Variants in BRWD3 observed in about 807,000 individuals in gnomAD.
BRWD3 encodes the protein bromodomain and WD repeat-containing protein 3.
Under a neutral mutation model 149.7 loss-of-function variants are expected in BRWD3, and 10 were observed. The observed-to-expected ratio is 0.07, with a 90% confidence interval of 0.04 to 0.11. The LOEUF (loss-of-function observed/expected upper bound fraction) is 0.11. BRWD3 is among the 10% of genes least tolerant of loss of function. The pLI is 1.00. For synonymous variants in BRWD3, 504 were observed against 456.7 expected (o/e 1.10, Z -1.32); for missense variants, 940 against 1,373.2 (o/e 0.68, Z 4.99).
chrX:80,759,759 A>G (rs2073783207), intron 6 of BRWD3, among the ~76,000 whole-genome samples: 1 of 111,724 alleles, frequency 9.0e-6, no homozygotes, highest in African/African-American at 3.3e-5. Context: ...GCTCAACATG[A>G]TAGCTATAAT....
At chrX:80,772,387 A>T (rs2073954390) in intron 6 of BRWD3, among the ~76,000 whole-genome samples, 1 of 111,381 alleles carries the variant, frequency 9.0e-6, no homozygotes, top group Non-Finnish European at 1.9e-5. Flanking sequence ...CGAACACCGC[A>T]TGTTCTCACT....
In BRWD3 at chrX:80,673,632, C is replaced by T. The variant is rs2072340441; in HGVS notation, c.*2977G>A. 9.0e-6 allele frequency: 1 copy of T among 111,300 alleles called. No individual in the cohort carries two copies. The highest frequency in any genetic ancestry group is 1.9e-5 in the Non-Finnish European group (1 of 52,948). 9.2% of individuals were successfully genotyped at this position (111,300 alleles called of 1,213,427 possible). On this transcript the variant is annotated 3_prime_UTR_variant, in exon 41 of 41. Transcript: ENST00000373275. ...CACAGTAAGCCATAGAAGAAACACA[C>T]AATTCAGATTTTATAAATATATACA...
chrX:80,773,796 T>C (rs1371712860), intron 6 of BRWD3, among the ~76,000 whole-genome samples: 1 of 112,058 alleles, frequency 8.9e-6, no homozygotes, highest in Non-Finnish European at 1.9e-5. Flanking sequence ...CCCATGTTTT[T>C]CTTAATCCGT....
chrX:80,743,792 A>G, intron 8 of BRWD3: 1 of 350,118 alleles, frequency 2.9e-6, no homozygotes, highest in East Asian at 4.5e-5. Context: ...AAATACAAAT[A>G]AGATATCTCA....
At chrX:80,738,324 A>T (rs7059257) in intron 8 of BRWD3, among the ~76,000 whole-genome samples, 29,762 of 110,762 alleles carry the variant, frequency 0.27, 2,901 homozygotes, top group South Asian at 0.62. Flanking sequence ...AAATGAGAAA[A>T]CATGTTATGG....
intron 4 of BRWD3, among the ~76,000 whole-genome samples, chrX:80,804,663 T>A (rs1473648845): frequency 8.9e-6 from 1 of 112,283 alleles, no homozygotes; most frequent in Non-Finnish European, 1.9e-5. Flanking sequence ...ACTGTTCATT[T>A]AAACACACAC....
chrX:80,786,938 A>G (rs186808181), intron 6 of BRWD3, among the ~76,000 whole-genome samples: 60 of 111,834 alleles, frequency 5.4e-4, no homozygotes, highest in African/African-American at 1.8e-3. Context: ...TTTGCAGACA[A>G]CAGGGTTATC....
At chrX:80,699,848 A>T in intron 25 of BRWD3, 109 bp downstream of exon 25, 1 of 541,098 alleles carries the variant, frequency 1.8e-6, no homozygotes, top group Non-Finnish European at 3.3e-6. Flanking sequence ...TATCTTGGAT[A>T]CACAATCAAC....
At chrX:80,723,587 A>T (rs1241455827) in intron 16 of BRWD3, among the ~76,000 whole-genome samples, 161 bp downstream of exon 16, 3 of 110,113 alleles carry the variant, frequency 2.7e-5, no homozygotes, top group Admixed American at 9.6e-5. Context: ...AGGTTCTGGC[A>T]GTGCAGATCA....
chrX:80,794,017 A>G (rs1219329776), intron 4 of BRWD3, among the ~76,000 whole-genome samples: 1 of 109,922 alleles, frequency 9.1e-6, no homozygotes, highest in Non-Finnish European at 1.9e-5. Flanking sequence ...CATCTCCACT[A>G]AAAATACAAA....
intron 17 of BRWD3, among the ~76,000 whole-genome samples, chrX:80,721,848 T>G (rs2073155201): frequency 9.0e-6 from 1 of 110,827 alleles, no homozygotes; most frequent in Non-Finnish European, 1.9e-5. Context: ...GGGGTAGGGG[T>G]TGTTTTCTTT....
At chrX:80,726,587 T>C (rs948683800) in intron 14 of BRWD3, among the ~76,000 whole-genome samples, 7 of 110,344 alleles carry the variant, frequency 6.3e-5, no homozygotes, top group Middle Eastern at 4.7e-3. Flanking sequence ...CATCACATTA[T>C]ACATCAGGAG....
At position 80,754,355 on chromosome X, in the gene BRWD3, G is replaced by A. The variant is rs147698046; in HGVS notation, c.431-8626C>T. 5.0e-3 allele frequency among the ~76,000 whole-genome samples: 557 copies of A among 111,737 alleles called. 4 individuals are homozygous for A. The highest frequency in any genetic ancestry group is 0.018 in the African/African-American group (539 of 30,756). ...CTACTAATTTTTGTACTTTGATTTT[G>A]TAACCTGAAACTTTACTGAATTCAT... On this transcript the variant is annotated intron_variant, in intron 6 of 40. Transcript: ENST00000373275.
At chrX:80,726,105 ATG>A (rs748598308) in intron 14 of BRWD3, among the ~76,000 whole-genome samples, 9 of 109,421 alleles carry the variant, frequency 8.2e-5, no homozygotes, top group South Asian at 3.8e-4. Context: ...TTTACATGTT[ATG>A]TGTCTGTATA....
chrX:80,752,456 T>C (rs751479783), intron 6 of BRWD3, among the ~76,000 whole-genome samples: 1 of 111,743 alleles, frequency 8.9e-6, no homozygotes, highest in South Asian at 3.7e-4. Context: ...ATTCTATTTT[T>C]AGTTCTTTGA....
At chrX:80,753,478 G>A (rs1470268714) in intron 6 of BRWD3, among the ~76,000 whole-genome samples, 1 of 109,169 alleles carries the variant, frequency 9.2e-6, no homozygotes, top group Non-Finnish European at 1.9e-5. Flanking sequence ...GCCATGTTGG[G>A]CAGGCTGGTC....
chrX:80,686,392 G>A (rs1470156874), intron 35 of BRWD3, among the ~76,000 whole-genome samples: 1 of 108,006 alleles, frequency 9.3e-6, no homozygotes, highest in Non-Finnish European at 1.9e-5. Context: ...TGCACGTTGT[G>A]CACATGTACC....
At chrX:80,687,174 G>T (rs2147684824) in intron 34 of BRWD3, among the ~76,000 whole-genome samples, 171 bp from the exon 35 acceptor site, 1 of 108,643 alleles carries the variant, frequency 9.2e-6, no homozygotes, top group East Asian at 2.9e-4. Context: ...ATTTTCCCTG[G>T]CAAAAATAAT....
At chrX:80,745,938 A>G (rs1375405203) in intron 6 of BRWD3, among the ~76,000 whole-genome samples, 1 of 110,442 alleles carries the variant, frequency 9.1e-6, no homozygotes, top group Non-Finnish European at 1.9e-5. Flanking sequence ...ATTAAATCCC[A>G]AGGGACTGAT....
Sources: allele counts gnomAD v4.1 joint callset (sites outside exome capture counted in the v4.1 genomes callset), GRCh38; gene constraint gnomAD v4.1.1; transcripts MANE v1.5; gene names NCBI Gene and HGNC (gene_info 2026-07-23, HGNC 2026-07-21).